Variants in TACC1 observed in about 807,000 individuals in gnomAD.
The protein encoded by TACC1 is transforming acidic coiled-coil containing protein 1.
Under a neutral mutation model 84.4 loss-of-function variants are expected in TACC1, and 48 were observed. That is an observed-to-expected ratio of 0.57 (90% CI 0.45 to 0.72). The LOEUF (loss-of-function observed/expected upper bound fraction) is 0.72. Ranked by LOEUF, TACC1 falls within the 30% of genes least tolerant of loss-of-function variation. TACC1 has a pLI of 0.00. For synonymous variants in TACC1, 372 were observed against 376.3 expected (o/e 0.99, Z 0.13); for missense variants, 920 against 973.0 (o/e 0.95, Z 0.72).
chr8:38,844,810 C>T (rs988543319), intron 11 of TACC1: 2 of 152,180 alleles, frequency 1.3e-5, no homozygotes, highest in Non-Finnish European at 2.9e-5. Context: ...AGATCTTCCC[C>T]ATGCTGGATA....
chr8:38,831,882 C>T (rs1286020413), intron 6 of TACC1, among the ~76,000 whole-genome samples: 2 of 151,626 alleles, frequency 1.3e-5, no homozygotes, highest in African/African-American at 4.9e-5. Flanking sequence ...TCTCGGCTCA[C>T]TACAACCTCC....
At chr8:38,772,179 T>C (rs1813771655) in intron 3 of TACC1, among the ~76,000 whole-genome samples, 1 of 152,158 alleles carries the variant, frequency 6.6e-6, no homozygotes, top group African/African-American at 2.4e-5. Context: ...TTTCACCCAT[T>C]TGACAGTTTT....
intron 2 of TACC1, 66 bp downstream of exon 2, chr8:38,788,885 G>C (rs1379812956): frequency 7.6e-7 from 1 of 1,308,228 alleles, no homozygotes; most frequent in African/African-American, 1.5e-5. Flanking sequence ...ATCAATGAAG[G>C]AAGGAAAAAA....
At chr8:38,751,046 T>C (rs556846479) in intron 3 of TACC1, among the ~76,000 whole-genome samples, 1 of 152,332 alleles carries the variant, frequency 6.6e-6, no homozygotes, top group East Asian at 1.9e-4. Context: ...AATATGTGGC[T>C]CTGAAGGAAT....
At chr8:38,742,432 G>A (rs1681733108) in exon 2 of TACC1, 3 of 1,529,762 alleles carry the variant, frequency 2.0e-6, no homozygotes, top group Admixed American at 3.9e-5. Context: ...GAGATCAAAT[G>A]CAAAGACAAA....
chr8:38,813,880 T>C (rs1179886616), intron 2 of TACC1, among the ~76,000 whole-genome samples: 1 of 152,198 alleles, frequency 6.6e-6, no homozygotes. Flanking sequence ...AGCTCAAATA[T>C]GTATACATCA....
chr8:38,843,086 A>T (rs756401665), intron 10 of TACC1, among the ~76,000 whole-genome samples: 11 of 152,370 alleles, frequency 7.2e-5, no homozygotes, highest in Non-Finnish European at 1.5e-4. Flanking sequence ...ACTGTATGAT[A>T]TTGAAAATTA....
intron 3 of TACC1, among the ~76,000 whole-genome samples, chr8:38,751,030 A>G (rs575954878): frequency 3.9e-5 from 6 of 152,358 alleles, no homozygotes; most frequent in African/African-American, 1.4e-4. Flanking sequence ...ACCTGATTTC[A>G]AGAACAATAT....
chr8:38,762,550 G>C (rs1811409138), intron 3 of TACC1, among the ~76,000 whole-genome samples: 1 of 151,588 alleles, frequency 6.6e-6, no homozygotes, highest in Non-Finnish European at 1.5e-5. Context: ...TCCACCTTTT[G>C]GCTTTTTTTT....
intron 3 of TACC1, chr8:38,745,554 T>A: frequency 1.5e-6 from 1 of 673,250 alleles, no homozygotes; most frequent in South Asian, 1.6e-5. Context: ...TTTTTGTTTT[T>A]GTTTTTTGAG....
chr8:38,815,004 T>G (rs913867316), intron 2 of TACC1, among the ~76,000 whole-genome samples: 1 of 152,254 alleles, frequency 6.6e-6, no homozygotes, highest in Non-Finnish European at 1.5e-5. Flanking sequence ...TATATCAGTT[T>G]GATTTATAGT....
At chr8:38,824,055 TG>T in intron 3 of TACC1, 1 of 1,350,290 alleles carries the variant, frequency 7.4e-7, no homozygotes, top group Non-Finnish European at 9.8e-7. Flanking sequence ...CTTTAGTCCC[TG>T]GGACCGTTGG....
At chr8:38,757,122 G>C in intron 3 of TACC1, 1 of 499,780 alleles carries the variant, frequency 2.0e-6, no homozygotes, top group Non-Finnish European at 2.9e-6. Flanking sequence ...CAGCACCCGC[G>C]GGGCCCTGCA....
At position 38,836,305 on chromosome 8, in the gene TACC1, T is replaced by G; in HGVS notation, c.1839+18T>G. On this transcript the variant is annotated intron_variant, in intron 7 of 12. Coordinates refer to ENST00000317827, the MANE Select transcript of TACC1 (RefSeq NM_006283.3). ...GAGAAGAGGTAAAAGCTCTCCTGTTTAGTCTGCTTATCACTCCATTTCTTT... is the reference window on the plus strand; with the variant it reads ...GAGAAGAGGTAAAAGCTCTCCTGTTGAGTCTGCTTATCACTCCATTTCTTT... 1 of 1,601,418 alleles carries G rather than the reference T, an allele frequency of 6.2e-7. No homozygotes were observed.
chr8:38,769,251 TGTG>T (rs1168559132), intron 3 of TACC1, among the ~76,000 whole-genome samples: 4 of 129,058 alleles, frequency 3.1e-5, no homozygotes, highest in Non-Finnish European at 6.5e-5. Context: ...GGGTTGGGGG[TGTG>T]GTGTGTGTGA....
At chr8:38,801,560 G>A (rs1347651855) in intron 2 of TACC1, among the ~76,000 whole-genome samples, 1 of 152,088 alleles carries the variant, frequency 6.6e-6, no homozygotes. Flanking sequence ...TCTTAATTTT[G>A]TTTCTCTGAT....
chr8:38,843,923 ATCTGTATG>A (rs1450977673), intron 11 of TACC1, among the ~76,000 whole-genome samples: 2 of 152,120 alleles, frequency 1.3e-5, no homozygotes, highest in East Asian at 3.8e-4. Context: ...TATCTTTATG[ATCTGTATG>A]TTAGAAAAGG....
chr8:38,735,391 C>T (rs563537110), intron 1 of TACC1, among the ~76,000 whole-genome samples: 154 of 152,136 alleles, frequency 1.0e-3, no homozygotes, highest in Non-Finnish European at 1.3e-3. Context: ...CACTCTCCAC[C>T]GTTTTCCACC....
intron 2 of TACC1, among the ~76,000 whole-genome samples, chr8:38,817,919 TA>T (rs60301511): frequency 0.16 from 7,950 of 48,274 alleles, 378 homozygotes; most frequent in African/African-American, 0.21. Context: ...GAGAGACCCC[TA>T]AAAAAAAAAA....
Sources: allele counts gnomAD v4.1 joint callset (sites outside exome capture counted in the v4.1 genomes callset), GRCh38; gene constraint gnomAD v4.1.1; transcripts MANE v1.5; gene names NCBI Gene and HGNC (gene_info 2026-07-23, HGNC 2026-07-21).